ANO2: variants seen among roughly 807,000 people sequenced by gnomAD.
ANO2 encodes anoctamin 2.
Under a neutral mutation model 124.2 loss-of-function variants are expected in ANO2, and 101 were observed. The observed-to-expected ratio is 0.81, with a 90% confidence interval of 0.69 to 0.96. The LOEUF (loss-of-function observed/expected upper bound fraction) is 0.96, where lower values mean the gene tolerates loss of function less well. Among genes scored for constraint, ANO2 ranks in the 40% least tolerant of loss-of-function variants. The probability of loss-of-function intolerance (pLI) is 0.00; values close to 1 mark genes in which losing one functional copy is unlikely to be tolerated. For missense variants in ANO2, 1,293 were observed against 1,274.5 expected, an observed-to-expected ratio of 1.01 and a Z score of -0.22; for synonymous variants, 486 against 482.5, an observed-to-expected ratio of 1.01 and a Z score of -0.09.
Position 5,565,650 on chromosome 12 carries a change from G to C in ANO2, c.2635C>G (p.Arg879Gly), listed in dbSNP as rs746528171. Residue 879 changes from arginine (R) to glycine (G), a missense_variant, in exon 24 of 25, where the codon CGA becomes GGA. Arg to Gly is a moderately radical substitution (Grantham distance 125). Coordinates refer to ENST00000682330, the MANE Select transcript of ANO2 (RefSeq NM_001364791.2). ...GGGTTCGGGGCCCATGGCGGCTCTC[G>C]GTAATCCTTAAACCTGCCCAAAGAG... is the stretch of plus-strand genomic sequence containing the variant. ...EVQFCRFKDY[R>G]EPPWAPNPYE... is the part of the protein sequence containing the mutation. 1 of 1,597,062 alleles carries C rather than the reference G, an allele frequency of 6.3e-7. No homozygotes were observed.
chr12:5,732,708 T>A, intron 13 of ANO2, 78 bp from the exon 14 acceptor site: 1 of 1,525,766 alleles, frequency 6.6e-7, no homozygotes, highest in Non-Finnish European at 9.1e-7. Context: ...CAGACACATG[T>A]ACATTAACGT....
At chr12:5,589,039 G>C (rs747385167) in intron 20 of ANO2, among the ~76,000 whole-genome samples, 10 of 152,176 alleles carry the variant, frequency 6.6e-5, no homozygotes, top group Admixed American at 2.6e-4. Flanking sequence ...AGATGTGAAG[G>C]GGCTTTTACT....
chr12:5,845,253 T>C (rs1224491592), intron 4 of ANO2, among the ~76,000 whole-genome samples: 3 of 147,058 alleles, frequency 2.0e-5, no homozygotes, highest in Non-Finnish European at 4.5e-5. Flanking sequence ...CAAGACTTTT[T>C]TGAAACTTTG....
At chr12:5,710,162 T>C (rs951541087) in intron 14 of ANO2, among the ~76,000 whole-genome samples, 1 of 152,196 alleles carries the variant, frequency 6.6e-6, no homozygotes, top group Non-Finnish European at 1.5e-5. Context: ...ATGTAGAGAC[T>C]TTGCTTCCAG....
intron 10 of ANO2, among the ~76,000 whole-genome samples, chr12:5,761,091 T>C (rs1951731716): frequency 1.3e-5 from 2 of 150,604 alleles, no homozygotes; most frequent in Non-Finnish European, 3.0e-5. Context: ...CCGTAGACTG[T>C]CCTACACTTA....
intron 10 of ANO2, among the ~76,000 whole-genome samples, chr12:5,791,511 T>G (rs752352729): frequency 3.3e-5 from 5 of 152,132 alleles, no homozygotes; most frequent in Non-Finnish European, 7.3e-5. Context: ...GATGGGTAAT[T>G]GAAGGGATTA....
At chr12:5,774,765 G>C (rs576416508) in intron 10 of ANO2, among the ~76,000 whole-genome samples, 2 of 152,068 alleles carry the variant, frequency 1.3e-5, no homozygotes, top group South Asian at 4.1e-4. Flanking sequence ...CAAAGCCCAG[G>C]TCCTGCCCCC....
At chr12:5,726,076 A>G (rs960291202) in intron 14 of ANO2, among the ~76,000 whole-genome samples, 1 of 152,028 alleles carries the variant, frequency 6.6e-6, no homozygotes, top group African/African-American at 2.4e-5. Flanking sequence ...AGGGAAACTT[A>G]AGAAAACCTC....
Position 5,769,926 on chromosome 12 carries a change from C to T in ANO2, c.1056-18956G>A, listed in dbSNP as rs540045716. ...TATGTTTGAGCCTCCACTAACCCCT[C>T]GGCTGGGCACCTATGGGCAATGTAC... On this transcript the variant is annotated intron_variant, in intron 10 of 24. Coordinates refer to ENST00000682330, the MANE Select transcript of ANO2 (RefSeq NM_001364791.2). The surrounding 1 kb of genome is among the most constrained non-coding windows in gnomAD (Gnocchi z 4.0). 3.0e-4 allele frequency among the ~76,000 whole-genome samples: 46 copies of T among 152,274 alleles called. No homozygotes were observed. The highest frequency in any genetic ancestry group is 2.1e-3 in the South Asian group (10 of 4,808).
At position 5,925,093 on chromosome 12, in the gene ANO2, C is replaced by G. The variant is rs370769349; in HGVS notation, c.23-2289G>C. Among the ~76,000 whole-genome samples the G allele has an allele frequency of 6.6e-5, 10 of 152,190 alleles. No individual in the cohort carries two copies. The East Asian group carries it at 1.9e-3, about 29-fold the overall frequency. ...CAGAAGGACTCTACCCCAGAGAAGA[C>G]CTGGAAACCTCTAGATGCATGTCTA... On this transcript the variant is annotated intron_variant, in intron 1 of 24. Coordinates refer to ENST00000682330, the MANE Select transcript of ANO2 (RefSeq NM_001364791.2). The surrounding 1 kb of genome is among the most constrained non-coding windows in gnomAD (Gnocchi z 4.6).
chr12:5,922,425 T>A (rs1259263382), intron 2 of ANO2, among the ~76,000 whole-genome samples, 195 bp downstream of exon 2: 2 of 152,162 alleles, frequency 1.3e-5, no homozygotes, highest in Non-Finnish European at 2.9e-5. Context: ...CTGACCCTCC[T>A]CTGACCAGAA....
In ANO2 at chr12:5,625,111, C is replaced by T. The variant is rs564625833; in HGVS notation, c.1817-9814G>A. Among the ~76,000 whole-genome samples the T allele has an allele frequency of 1.2e-4, 18 of 152,152 alleles. No homozygotes were observed. The South Asian group carries it at 3.7e-3, about 32-fold the overall frequency. ...GCTCTGTGAGCCACAGGAAGTACAA[C>T]GGGAAGCTGTTGTAGATTTCTGAAC... On this transcript the variant is annotated intron_variant, in intron 16 of 24. Transcript: ENST00000682330.
intron 4 of ANO2, among the ~76,000 whole-genome samples, chr12:5,845,130 A>C (rs765742619): frequency 8.5e-4 from 129 of 151,058 alleles, no homozygotes; most frequent in Non-Finnish European, 1.4e-3. Context: ...CCAGGCATGG[A>C]GGTGTGTGCC....
chr12:5,923,447 C>T (rs1267255692), intron 1 of ANO2, among the ~76,000 whole-genome samples: 1 of 152,188 alleles, frequency 6.6e-6, no homozygotes, highest in African/African-American at 2.4e-5. Flanking sequence ...AGGCTTTGGG[C>T]CTCTCCCGTG....
chr12:5,796,277 GCA>G (rs900133636), intron 10 of ANO2, among the ~76,000 whole-genome samples: 16 of 147,338 alleles, frequency 1.1e-4, no homozygotes, highest in Admixed American at 8.8e-4. Context: ...ACACACGCAT[GCA>G]CACACACTCA....
chr12:5,902,426 A>G (rs918665460), intron 3 of ANO2, among the ~76,000 whole-genome samples: 1 of 150,716 alleles, frequency 6.6e-6, no homozygotes, highest in Non-Finnish European at 1.5e-5. Context: ...TCTCTACAAA[A>G]GAAAAATTTA....
chr12:5,781,003 C>A (rs2137133718), intron 10 of ANO2, among the ~76,000 whole-genome samples: 1 of 152,304 alleles, frequency 6.6e-6, no homozygotes, highest in Admixed American at 6.5e-5. Context: ...TTTCTTTCAA[C>A]TATTTCATCA....
intron 14 of ANO2, among the ~76,000 whole-genome samples, chr12:5,712,562 C>T (rs1291559651): frequency 2.0e-5 from 3 of 152,158 alleles, no homozygotes; most frequent in Non-Finnish European, 4.4e-5. Context: ...CTGATGACAC[C>T]TTGACCTTGG....
intron 16 of ANO2, among the ~76,000 whole-genome samples, chr12:5,631,056 C>T (rs560776497): frequency 2.0e-5 from 3 of 152,310 alleles, no homozygotes; most frequent in South Asian, 2.1e-4. Context: ...TGCCTGATCG[C>T]ACTAGATATG....
Sources: allele counts gnomAD v4.1 joint callset (sites outside exome capture counted in the v4.1 genomes callset), GRCh38; gene constraint gnomAD v4.1.1; non-coding constraint Gnocchi (gnomAD v3.1); transcripts MANE v1.5; gene names NCBI Gene and HGNC (gene_info 2026-07-23, HGNC 2026-07-21).